The following NEXMIF variants were observed in gnomAD, a reference collection of about 807,000 sequenced individuals.
The protein encoded by NEXMIF is neurite extension and migration factor.
NEXMIF carries 8 observed loss-of-function variants against 62.1 expected under a neutral mutation model. The observed-to-expected ratio is 0.13, with a 90% CI of 0.08 to 0.23. The LOEUF (loss-of-function observed/expected upper bound fraction) is 0.23, where lower values mean the gene tolerates loss of function less well. NEXMIF is among the 10% of genes least tolerant of loss of function. The pLI is 1.00. For synonymous variants in NEXMIF, 404 were observed against 416.6 expected (o/e 0.97, Z 0.37); for missense variants, 976 against 1,113.3 (o/e 0.88, Z 1.75).
chrX:74,871,138 G>C (rs771780384), intron 1 of NEXMIF, among the ~76,000 whole-genome samples: 1 of 111,641 alleles, frequency 9.0e-6, no homozygotes, highest in Non-Finnish European at 1.9e-5. Context: ...TTTCAATGTA[G>C]GTTCTTTTCT....
intron 1 of NEXMIF, among the ~76,000 whole-genome samples, chrX:74,883,308 C>A (rs1289082063): frequency 1.8e-5 from 2 of 111,363 alleles, no homozygotes; most frequent in African/African-American, 3.3e-5. Flanking sequence ...ATGACTTTGA[C>A]GAGTTGAGAG....
intron 1 of NEXMIF, among the ~76,000 whole-genome samples, chrX:74,886,789 G>GA (rs1376634548): frequency 2.8e-5 from 3 of 107,016 alleles, no homozygotes; most frequent in African/African-American, 1.1e-4. Context: ...CACAGAATTG[G>GA]AAAAAACTAC....
At chrX:74,823,814 A>G (rs1454048304) in intron 1 of NEXMIF, among the ~76,000 whole-genome samples, 2 of 111,362 alleles carry the variant, frequency 1.8e-5, no homozygotes, top group South Asian at 7.5e-4. Flanking sequence ...AATGTAAAAA[A>G]CGTTAACATT....
intron 1 of NEXMIF, among the ~76,000 whole-genome samples, chrX:74,854,116 TACA>T (rs910777186): frequency 2.7e-5 from 3 of 111,592 alleles, no homozygotes; most frequent in African/African-American, 6.5e-5. Context: ...TAGACAAGTA[TACA>T]ACAACAACAA....
intron 1 of NEXMIF, among the ~76,000 whole-genome samples, chrX:74,871,795 A>C (rs1369901640): frequency 9.0e-6 from 1 of 111,558 alleles, no homozygotes; most frequent in Admixed American, 9.6e-5. Flanking sequence ...TTCCCTGAAA[A>C]TTGCTATTAT....
intron 1 of NEXMIF, among the ~76,000 whole-genome samples, chrX:74,856,663 C>A (rs189885476): frequency 2.7e-5 from 3 of 111,155 alleles, no homozygotes; most frequent in Non-Finnish European, 3.8e-5. Flanking sequence ...AAACTGACAA[C>A]TATCTACACA....
chrX:74,759,481 G>A (rs1213962663), intron 1 of NEXMIF, among the ~76,000 whole-genome samples: 1 of 111,995 alleles, frequency 8.9e-6, no homozygotes, highest in Admixed American at 9.5e-5. Context: ...GTCCAAAATG[G>A]CACTGCCTAG....
chrX:74,739,466 G>T lies in NEXMIF; in HGVS notation c.4490C>A (p.Thr1497Lys). ...DSDYNLLKAE[T>K]TFWVLPVFEE... is the part of the protein sequence containing the mutation. The stretch of plus-strand genomic sequence containing the variant: ...AAACACAGGTAAAACCCAAAAGGTT[G>T]TTTCTGCTTTTAGGAGATTGTAGTC... Residue 1497 changes from threonine to lysine, a missense_variant, in exon 4 of 4, where the codon ACA (threonine) becomes AAA (lysine). Physicochemically the swap from Thr to Lys is moderately conservative, Grantham distance 78. Transcript: ENST00000055682. 8.3e-7 allele frequency: 1 copy of T among 1,200,067 alleles called. No individual in the cohort carries two copies. The highest frequency in any genetic ancestry group is 1.1e-6 in the Non-Finnish European group (1 of 890,237).
intron 1 of NEXMIF, among the ~76,000 whole-genome samples, chrX:74,780,430 G>A (rs1034967195): frequency 1.9e-5 from 2 of 107,727 alleles, no homozygotes; most frequent in Non-Finnish European, 3.8e-5. Context: ...AGGCTGGAGT[G>A]CAGTGGCATG....
At position 74,802,576 on chromosome X, in the gene NEXMIF, C is replaced by A. The variant is rs1386383161; in HGVS notation, c.-47-56879G>T. ...TAAGTCCTTTTGAATATCTCGAAAG[C>A]CTTTCCAAGAAGGACAGGTACAAAC... is the stretch of plus-strand genomic sequence containing the variant. On this transcript the variant is annotated intron_variant, in intron 1 of 3. Coordinates refer to ENST00000055682, the MANE Select transcript of NEXMIF (RefSeq NM_001008537.3). Among the ~76,000 whole-genome samples the A allele has an allele frequency of 2.7e-5, 3 of 110,461 alleles. No individual in the cohort carries two copies. The East Asian group carries it at 8.7e-4, about 32-fold the overall frequency.
intron 1 of NEXMIF, among the ~76,000 whole-genome samples, chrX:74,867,213 T>C (rs2080583303): frequency 8.9e-6 from 1 of 112,088 alleles, no homozygotes; most frequent in African/African-American, 3.2e-5. Context: ...CCCAAAGTAA[T>C]TTATAGATTC....
intron 1 of NEXMIF, among the ~76,000 whole-genome samples, chrX:74,827,025 C>T (rs930995039): frequency 8.9e-6 from 1 of 111,916 alleles, no homozygotes; most frequent in East Asian, 2.8e-4. Flanking sequence ...TTTGCCACTA[C>T]AGACTATAGC....
intron 1 of NEXMIF, among the ~76,000 whole-genome samples, chrX:74,791,099 T>C (rs1304771312): frequency 4.5e-5 from 5 of 110,430 alleles, no homozygotes; most frequent in Non-Finnish European, 7.6e-5. Flanking sequence ...TTCAGTATGA[T>C]ATTGGCTGTG....
At position 74,736,808 on chromosome X, in the gene NEXMIF, C is replaced by T. The variant is rs749204941; in HGVS notation, c.*2597G>A. Reference sequence around the variant, plus strand: ...TTATATATTAAAAACATATAATACACTGCAGGCCAATTAAAAAGGTACTTT... The same window carrying T: ...TTATATATTAAAAACATATAATACATTGCAGGCCAATTAAAAAGGTACTTT... On this transcript the variant is annotated 3_prime_UTR_variant, in exon 4 of 4. Transcript: ENST00000055682. The T allele has an allele frequency of 2.7e-5, 3 of 112,350 alleles. No individual in the cohort carries two copies. In the East Asian group the frequency reaches 8.4e-4, roughly 32 times the overall value. The allele number at this position is 112,350 out of a possible 1,213,427, so 9.3% of individuals were successfully genotyped here.
At chrX:74,834,783 T>A (rs143126352) in intron 1 of NEXMIF, among the ~76,000 whole-genome samples, 41 of 111,533 alleles carry the variant, frequency 3.7e-4, no homozygotes, top group Non-Finnish European at 7.2e-4. Flanking sequence ...CTTGAGGTAG[T>A]CTTCTTTGGG....
chrX:74,845,007 G>A (rs954826770), intron 1 of NEXMIF, among the ~76,000 whole-genome samples: 1 of 112,287 alleles, frequency 8.9e-6, no homozygotes, highest in African/African-American at 3.2e-5. Context: ...AATAAATAAT[G>A]TTACTAAACA....
chrX:74,827,290 C>T (rs1376207373), intron 1 of NEXMIF, among the ~76,000 whole-genome samples: 1 of 111,988 alleles, frequency 8.9e-6, no homozygotes, highest in Non-Finnish European at 1.9e-5. Context: ...AGGCCTGAAA[C>T]ATGTAACAAG....
At chrX:74,919,612 T>C (rs1207298500) in intron 1 of NEXMIF, among the ~76,000 whole-genome samples, 2 of 111,434 alleles carry the variant, frequency 1.8e-5, no homozygotes, top group Non-Finnish European at 3.8e-5. Context: ...AATGAATTGC[T>C]ACACCTGTTC....
intron 1 of NEXMIF, among the ~76,000 whole-genome samples, chrX:74,875,206 G>C (rs1403656717): frequency 9.0e-6 from 1 of 110,713 alleles, no homozygotes; most frequent in African/African-American, 3.3e-5. Context: ...AGCATGAAGG[G>C]TTGTTGAATT....
Sources: allele counts gnomAD v4.1 joint callset (sites outside exome capture counted in the v4.1 genomes callset), GRCh38; gene constraint gnomAD v4.1.1; transcripts MANE v1.5; gene names NCBI Gene and HGNC (gene_info 2026-07-23, HGNC 2026-07-21).